NCKAP5: variants seen among roughly 807,000 people sequenced by gnomAD.
The protein encoded by NCKAP5 is nck-associated protein 5.
A neutral mutation model predicts 167.0 loss-of-function variants in NCKAP5; 92 were observed. The observed-to-expected ratio is 0.55, with a 90% CI of 0.47 to 0.66. The LOEUF (loss-of-function observed/expected upper bound fraction) is 0.66. Among genes scored for constraint, NCKAP5 ranks in the 30% least tolerant of loss-of-function variants. NCKAP5 has a pLI of 0.00. For synonymous variants in NCKAP5, 891 were observed against 877.4 expected, an observed-to-expected ratio of 1.02 and a Z score of -0.27; for missense variants, 2,378 against 2,315.0, an observed-to-expected ratio of 1.03 and a Z score of -0.56.
the NCKAP5 span, among the ~76,000 whole-genome samples, chr2:133,659,952 ATTTC>A: frequency 6.6e-6 from 1 of 152,136 alleles, no homozygotes; most frequent in African/African-American, 2.4e-5. Flanking sequence ...AATATTTTAG[ATTTC>A]TTTGTTTTAT....
chr2:133,624,375 C>T, the NCKAP5 span, among the ~76,000 whole-genome samples: 1 of 152,098 alleles, frequency 6.6e-6, no homozygotes, highest in African/African-American at 2.4e-5. Context: ...CTGTTCCTCA[C>T]GTCTCATCTC....
chr2:132,859,340 T>C (rs1362711438), intron 11 of NCKAP5, among the ~76,000 whole-genome samples: 2 of 152,172 alleles, frequency 1.3e-5, no homozygotes, highest in East Asian at 3.8e-4. Context: ...AGTCCTAAGA[T>C]TTTTATTCCA....
chr2:132,870,356 AATAC>A (rs1273857951), intron 9 of NCKAP5, among the ~76,000 whole-genome samples: 2 of 152,206 alleles, frequency 1.3e-5, no homozygotes, highest in Non-Finnish European at 2.9e-5. Context: ...TTTTTCAGCT[AATAC>A]ATACACTGTA....
chr2:133,093,199 A>G (rs2149646422), intron 6 of NCKAP5, among the ~76,000 whole-genome samples: 1 of 152,330 alleles, frequency 6.6e-6, no homozygotes, highest in South Asian at 2.1e-4. Context: ...GTCAAAAATA[A>G]TCATTTCATT....
intron 3 of NCKAP5, among the ~76,000 whole-genome samples, chr2:133,316,206 AC>A (rs1223252591): frequency 6.6e-6 from 1 of 152,214 alleles, no homozygotes; most frequent in Non-Finnish European, 1.5e-5. Flanking sequence ...CCACCATGCA[AC>A]CAACACACTG....
rs186444988 is a variant in NCKAP5, at chr2:133,479,782, C to G, written c.69+37676G>C. Among the ~76,000 whole-genome samples the G allele has an allele frequency of 1.8e-3, 275 of 152,174 alleles. 1 individual carries two copies. The highest frequency in any genetic ancestry group is 5.8e-3 in the African/African-American group (240 of 41,478). On this transcript the variant is annotated intron_variant, in intron 3 of 19. Coordinates refer to ENST00000409261, the MANE Select transcript of NCKAP5 (RefSeq NM_207363.3). Reference sequence around the variant, plus strand: ...CAGAATCAAAAGAATCAAAGACCCACAGAATAATCGAAATTTATGCTGGAT... The same window carrying G: ...CAGAATCAAAAGAATCAAAGACCCAGAGAATAATCGAAATTTATGCTGGAT...
the NCKAP5 span, among the ~76,000 whole-genome samples, chr2:133,612,861 G>A: frequency 2.6e-5 from 4 of 152,122 alleles, no homozygotes; most frequent in Admixed American, 1.3e-4. Flanking sequence ...GCTCTTAAGC[G>A]CGGTTTGCTG....
upstream of NCKAP5, among the ~76,000 whole-genome samples, chr2:133,571,247 C>A (rs1037790333): frequency 7.2e-5 from 11 of 152,100 alleles, 3 homozygotes; most frequent in Admixed American, 7.2e-4. Context: ...AGGCCAGATT[C>A]TGTTTAATGC....
intron 3 of NCKAP5, among the ~76,000 whole-genome samples, chr2:133,315,265 T>C (rs1265612396): frequency 6.6e-6 from 1 of 152,156 alleles, no homozygotes; most frequent in Non-Finnish European, 1.5e-5. Context: ...AGAATCATGC[T>C]AAGTTGTTGG....
chr2:133,027,572 C>A (rs1451135714), intron 6 of NCKAP5, among the ~76,000 whole-genome samples: 2 of 152,138 alleles, frequency 1.3e-5, no homozygotes, highest in African/African-American at 4.8e-5. Context: ...ATCCATTATC[C>A]AAACTGCTTC....
chr2:132,915,763 A>G (rs1159922318), intron 8 of NCKAP5: 2 of 152,124 alleles, frequency 1.3e-5, no homozygotes, highest in African/African-American at 4.8e-5. Flanking sequence ...CTTGTGGGGA[A>G]GAGTGAGCAG....
chr2:133,204,282 A>G (rs2085844657), intron 5 of NCKAP5, among the ~76,000 whole-genome samples: 1 of 152,208 alleles, frequency 6.6e-6, no homozygotes, highest in Non-Finnish European at 1.5e-5. Flanking sequence ...ATGAGACATC[A>G]GTTAATACCA....
chr2:132,866,439 T>C (rs1690360113), intron 10 of NCKAP5, among the ~76,000 whole-genome samples: 1 of 152,218 alleles, frequency 6.6e-6, no homozygotes, highest in Non-Finnish European at 1.5e-5. Context: ...ATATGATCAC[T>C]TTTGTATTGT....
At chr2:132,947,585 C>T (rs1156856918) in intron 8 of NCKAP5, among the ~76,000 whole-genome samples, 2 of 152,032 alleles carry the variant, frequency 1.3e-5, no homozygotes. Flanking sequence ...TTGTTTTAAA[C>T]CTTTCTATTT....
chr2:132,784,844 C>G lies in NCKAP5; in HGVS notation c.1967G>C (p.Arg656Thr), dbSNP rs377186508. ...PKTFSFIKQQ[R>T]VVKRTSSEEC... Reference sequence around the variant, plus strand: ...TTCTGAAGAAGTCCTTTTTACAACTCTTTGCTGCTTAATGAAACTAAAAGT... The same window carrying G: ...TTCTGAAGAAGTCCTTTTTACAACTGTTTGCTGCTTAATGAAACTAAAAGT... Residue 656 changes from arginine (R) to threonine (T), a missense_variant, in exon 14 of 20, where the codon AGA becomes ACA. Arg to Thr is a moderately conservative substitution (Grantham distance 71). Transcript: ENST00000409261. 196 of 1,568,462 alleles carry G rather than the reference C, an allele frequency of 1.2e-4. No individual in the cohort carries two copies. The East Asian group carries it at 3.3e-3, about 26-fold the overall frequency.
intron 11 of NCKAP5, among the ~76,000 whole-genome samples, chr2:132,860,103 GA>G (rs1461675449): frequency 1.3e-5 from 2 of 152,124 alleles, no homozygotes; most frequent in East Asian, 3.9e-4. Flanking sequence ...TGATCATAAA[GA>G]GTTTGAAATA....
At chr2:133,414,845 G>A (rs150939843) in intron 3 of NCKAP5, among the ~76,000 whole-genome samples, 58 of 152,276 alleles carry the variant, frequency 3.8e-4, no homozygotes, top group East Asian at 2.1e-3. Context: ...GTATTTTTAC[G>A]TATTCCTTAA....
At position 133,211,583 on chromosome 2, in the gene NCKAP5, C is replaced by T. The variant is rs114452738; in HGVS notation, c.207+2133G>A. ...TATTTTCTCATAGCTGCTTCTATGT[C>T]CTAACATTTTAATTACATTGAATAT... On this transcript the variant is annotated intron_variant, in intron 5 of 19. Coordinates refer to ENST00000409261, the MANE Select transcript of NCKAP5 (RefSeq NM_207363.3). 9.8e-3 allele frequency among the ~76,000 whole-genome samples: 1,493 copies of T among 152,258 alleles called. 8 individuals are homozygous for T. Among genetic ancestry groups the T allele is most frequent in the Admixed American group, 0.017 (265 of 15,286 alleles).
At chr2:133,399,793 T>C (rs1264075704) in intron 3 of NCKAP5, among the ~76,000 whole-genome samples, 3 of 152,094 alleles carry the variant, frequency 2.0e-5, no homozygotes, top group Non-Finnish European at 2.9e-5. Flanking sequence ...AATGAAAAAG[T>C]AGGGGGTACT....
Sources: allele counts gnomAD v4.1 joint callset (sites outside exome capture counted in the v4.1 genomes callset), GRCh38; gene constraint gnomAD v4.1.1; transcripts MANE v1.5; gene names NCBI Gene and HGNC (gene_info 2026-07-23, HGNC 2026-07-21).